The following CFAP221 variants were observed in gnomAD, a reference collection of about 807,000 sequenced individuals.
CFAP221 encodes cilia- and flagella-associated protein 221.
A neutral mutation model predicts 113.1 loss-of-function variants in CFAP221; 97 were observed. The observed-to-expected ratio is 0.86, with a 90% CI of 0.73 to 1.02. The LOEUF (loss-of-function observed/expected upper bound fraction) is 1.02, where lower values mean the gene tolerates loss of function less well. Among genes scored for constraint, CFAP221 ranks in the 50% least tolerant of loss-of-function variants. The probability of loss-of-function intolerance (pLI) is 0.00; values close to 1 mark genes in which losing one functional copy is unlikely to be tolerated. For synonymous variants in CFAP221, 331 were observed against 354.4 expected, an observed-to-expected ratio of 0.93 and a Z score of 0.74; for missense variants, 1,025 against 1,013.4, an observed-to-expected ratio of 1.01 and a Z score of -0.16.
At chr2:119,650,456 C>A (rs1574239036) in intron 22 of CFAP221, among the ~76,000 whole-genome samples, 1 of 152,366 alleles carries the variant, frequency 6.6e-6, no homozygotes, top group Middle Eastern at 3.4e-3. Flanking sequence ...TCAGCAGATA[C>A]AAACATACCC....
intron 7 of CFAP221, among the ~76,000 whole-genome samples, chr2:119,600,734 A>T (rs897424532): frequency 3.3e-5 from 5 of 152,132 alleles, no homozygotes; most frequent in African/African-American, 9.7e-5. Flanking sequence ...TTTTTTCAGT[A>T]AAAGTTAAAC....
chr2:119,596,198 CAGGA>C (rs1683958410), intron 7 of CFAP221, among the ~76,000 whole-genome samples: 1 of 152,148 alleles, frequency 6.6e-6, no homozygotes, highest in Non-Finnish European at 1.5e-5. Context: ...GCCTCCCCCT[CAGGA>C]AGGAGCTGAG....
intron 2 of CFAP221, among the ~76,000 whole-genome samples, chr2:119,548,021 T>A (rs967516696): frequency 6.6e-6 from 1 of 152,122 alleles, no homozygotes; most frequent in Admixed American, 6.5e-5. Context: ...TGGAGAGCAG[T>A]GGTACAATCA....
At chr2:119,595,774 T>C (rs951339836) in intron 7 of CFAP221, among the ~76,000 whole-genome samples, 2 of 152,096 alleles carry the variant, frequency 1.3e-5, no homozygotes, top group Non-Finnish European at 2.9e-5. Context: ...GACATGGTGA[T>C]GTGACCAGGT....
intron 19 of CFAP221, among the ~76,000 whole-genome samples, chr2:119,635,106 C>T (rs1426412819): frequency 6.6e-6 from 1 of 152,180 alleles, no homozygotes; most frequent in Non-Finnish European, 1.5e-5. Flanking sequence ...CAAATATGCA[C>T]ACGAGAAGAT....
At chr2:119,652,551 C>CAGTT (rs1203200883) in intron 23 of CFAP221, among the ~76,000 whole-genome samples, 1 of 152,206 alleles carries the variant, frequency 6.6e-6, no homozygotes, top group Non-Finnish European at 1.5e-5. Flanking sequence ...AGCACCTAAC[C>CAGTT]AGTTGCCTGA....
chr2:119,628,408 G>A (rs761387731), intron 16 of CFAP221, among the ~76,000 whole-genome samples: 2 of 151,474 alleles, frequency 1.3e-5, no homozygotes, highest in Non-Finnish European at 2.9e-5. Context: ...GTGCATTATT[G>A]AAAAAGTGAG....
rs142647846 is a variant in CFAP221 at position 119,560,684 on chromosome 2, G to C, written c.426+658G>C. 2.6e-5 allele frequency among the ~76,000 whole-genome samples: 4 copies of C among 152,236 alleles called. No homozygotes were observed. The East Asian group carries it at 7.7e-4, about 29-fold the overall frequency. On this transcript the variant is annotated intron_variant, in intron 5 of 23. Transcript: ENST00000413369. ...TTGATGTTTCAAAACCAAAACAGAA[G>C]AGTATACATTAGTAACAAATGAGTT... is the stretch of plus-strand genomic sequence containing the variant.
intron 16 of CFAP221, 32 bp from the exon 17 acceptor site, chr2:119,629,843 T>G: frequency 1.3e-6 from 2 of 1,521,288 alleles, no homozygotes; most frequent in Non-Finnish European, 1.8e-6. Flanking sequence ...TCAGTGGTGA[T>G]TGTTCTCTTT....
chr2:119,642,245 C>T (rs552439299), intron 21 of CFAP221, among the ~76,000 whole-genome samples: 5 of 152,234 alleles, frequency 3.3e-5, no homozygotes, highest in South Asian at 4.1e-4. Context: ...TGGATTTCCA[C>T]GGGATGTAAG....
At chr2:119,582,457 C>CT (rs200310556) in intron 6 of CFAP221, among the ~76,000 whole-genome samples, 2,182 of 136,834 alleles carry the variant, frequency 0.016, 53 homozygotes, top group African/African-American at 0.05. Flanking sequence ...TAAGACATAT[C>CT]TTTTTTTTTT....
intron 10 of CFAP221, 33 bp downstream of exon 10, chr2:119,605,020 G>T: frequency 6.3e-7 from 1 of 1,591,134 alleles, no homozygotes; most frequent in South Asian, 1.1e-5. Flanking sequence ...AGCAGCCCCT[G>T]AGCAGAATAT....
chr2:119,616,771 C>A (rs1685556280), intron 14 of CFAP221, among the ~76,000 whole-genome samples: 1 of 152,232 alleles, frequency 6.6e-6, no homozygotes, highest in South Asian at 2.1e-4. Flanking sequence ...TGGGACTGCA[C>A]CTGTCCTTTG....
chr2:119,637,686 G>A (rs537437501), intron 19 of CFAP221, among the ~76,000 whole-genome samples: 2 of 152,286 alleles, frequency 1.3e-5, no homozygotes, highest in South Asian at 2.1e-4. Context: ...GCCTCCATTA[G>A]TTCTGCTGGA....
rs1679897673 is a variant in CFAP221, at chr2:119,544,458, AGCGG to A, written c.-96_-93del. On this transcript the variant is annotated 5_prime_UTR_variant, in exon 1 of 24. Transcript: ENST00000413369. ...TCCGCGTCGTCATGGCGACGCTCCG[AGCGG>A]GCGCCGGCGCTGGCGCCGGCCGAAT... The A allele has an allele frequency of 6.6e-6, 1 of 151,584 alleles. No homozygotes were observed. The highest frequency in any genetic ancestry group is 2.4e-5 in the African/African-American group (1 of 41,288). 9.4% of individuals were successfully genotyped at this position (151,584 alleles called of 1,614,324 possible). A position where few individuals can be genotyped will look rare whatever the true frequency, so the allele number is the denominator to read the frequency against.
At chr2:119,546,381 G>A (rs1182185185) in intron 2 of CFAP221, 111 bp downstream of exon 2, 4 of 1,219,920 alleles carry the variant, frequency 3.3e-6, no homozygotes, top group African/African-American at 3.1e-5. Context: ...TCATTTTATA[G>A]GCTTATACTA....
chr2:119,596,990 A>G (rs1343049296), intron 7 of CFAP221, among the ~76,000 whole-genome samples: 1 of 152,228 alleles, frequency 6.6e-6, no homozygotes, highest in Non-Finnish European at 1.5e-5. Flanking sequence ...TCATGAGGCA[A>G]TTGCCTCTTC....
rs1462242496 is a variant in CFAP221, at chr2:119,639,770, T to C, written c.2134-11T>C. ...AAACAGTTGCTTCCCATGTGCTGAC[T>C]TTCCTTACAGGACATTATTCCCGGA... On this transcript the variant is annotated splice_polypyrimidine_tract_variant and intron_variant, in intron 20 of 23. Transcript: ENST00000413369. 6.2e-7 allele frequency: 1 copy of C among 1,611,266 alleles called. No homozygotes were observed. The highest frequency in any genetic ancestry group is 8.5e-7 in the Non-Finnish European group (1 of 1,177,440).
Position 119,642,583 on chromosome 2 carries a change from C to T in CFAP221, c.2225+2711C>T, listed in dbSNP as rs552400992. 9.6e-4 allele frequency among the ~76,000 whole-genome samples: 138 copies of T among 144,146 alleles called. 3 individuals carry two copies. In the South Asian group the frequency reaches 0.028, roughly 29 times the overall value. 94.6% of individuals were successfully genotyped at this position (144,146 alleles called of 152,430 possible). A position where few individuals can be genotyped will look rare whatever the true frequency, so the allele number is the denominator to read the frequency against. On this transcript the variant is annotated intron_variant, in intron 21 of 23. Coordinates refer to ENST00000413369, the MANE Select transcript of CFAP221 (RefSeq NM_001271049.2). ...TTAGATGAGATATCACTATCTTCCA[C>T]GCTGGAGTGCAGTGGCATAATCATA...
Sources: gnomAD v4.1 joint callset for allele counts (sites outside exome capture counted in the v4.1 genomes callset) on GRCh38, gnomAD v4.1.1 for gene constraint, MANE v1.5 for transcripts, NCBI Gene and HGNC (gene_info 2026-07-23, HGNC 2026-07-21) for gene names.